SDC3: variants seen among roughly 807,000 people sequenced by gnomAD.
SDC3 encodes syndecan 3.
SDC3 carries 13 observed loss-of-function variants against 24.4 expected under a neutral mutation model. The ratio of observed to expected loss-of-function variants is 0.53; its 90% CI spans 0.35 to 0.85. The LOEUF is 0.85. Ranked by LOEUF, SDC3 falls within the 40% of genes least tolerant of loss-of-function variation. The pLI, the probability that SDC3 is intolerant of heterozygous loss-of-function variation, is 0.01. For synonymous variants in SDC3, 295 were observed against 260.9 expected (o/e 1.13, Z -1.26); for missense variants, 571 against 584.5 (o/e 0.98, Z 0.24).
At chr1:30,886,013 C>T (rs1346371132) in intron 1 of SDC3, among the ~76,000 whole-genome samples, 1 of 152,194 alleles carries the variant, frequency 6.6e-6, no homozygotes, top group East Asian at 1.9e-4. Context: ...ACTCACACTG[C>T]TCATTGATGC....
In SDC3 at chr1:30,869,609, G is replaced by A. The variant is rs551514878; in HGVS notation, c.*3602C>T. On this transcript the variant is annotated 3_prime_UTR_variant, in exon 5 of 5. Coordinates refer to ENST00000339394, the MANE Select transcript of SDC3 (RefSeq NM_014654.4). ...ACAAGGCTGGAACAGGAGAGTACCCGCAGTGGGGCAGGCGCCTTGGTCTCT... is the reference window on the plus strand; with the variant it reads ...ACAAGGCTGGAACAGGAGAGTACCCACAGTGGGGCAGGCGCCTTGGTCTCT... 2.4e-4 allele frequency: 94 copies of A among 395,170 alleles called. 1 individual carries two copies. Among genetic ancestry groups the A allele is most frequent in the African/African-American group, 1.0e-3 (49 of 47,964 alleles). 24.5% of individuals were successfully genotyped at this position (395,170 alleles called of 1,614,324 possible). A position where few individuals can be genotyped will look rare whatever the true frequency, so the allele number is the denominator to read the frequency against.
intron 1 of SDC3, among the ~76,000 whole-genome samples, chr1:30,899,177 C>T (rs1285086477): frequency 1.3e-5 from 2 of 152,206 alleles, no homozygotes; most frequent in African/African-American, 4.8e-5. Flanking sequence ...ACCTCCACCT[C>T]CCAGGATCAA....
chr1:30,890,391 A>G (rs139416811), intron 1 of SDC3, among the ~76,000 whole-genome samples: 172 of 152,378 alleles, frequency 1.1e-3, no homozygotes, highest in Admixed American at 2.9e-3. Context: ...AATTGGCCAC[A>G]AAAGACCACA....
At chr1:30,894,858 C>T (rs1639978152) in intron 1 of SDC3, among the ~76,000 whole-genome samples, 1 of 151,870 alleles carries the variant, frequency 6.6e-6, no homozygotes, top group African/African-American at 2.4e-5. Flanking sequence ...TCTCGAGTGG[C>T]TTAGATGCCT....
rs137959447 is a variant in SDC3, at chr1:30,878,866, T to A, written c.139-126A>T. ...ACGTGGGTGACAGAGATCTTGTGTG[T>A]ACCCTGAAGGAAAGTGCGTGTGTGA... is the stretch of plus-strand genomic sequence containing the variant. On this transcript the variant is annotated intron_variant, in intron 1 of 4. Coordinates refer to ENST00000339394, the MANE Select transcript of SDC3 (RefSeq NM_014654.4). 9 of 737,686 alleles carry A rather than the reference T, an allele frequency of 1.2e-5. No individual in the cohort carries two copies. The African/African-American group carries it at 1.6e-4, about 13-fold the overall frequency. 45.7% of individuals were successfully genotyped at this position (737,686 alleles called of 1,614,324 possible).
At chr1:30,895,083 G>A (rs1191305554) in intron 1 of SDC3, among the ~76,000 whole-genome samples, 1 of 152,056 alleles carries the variant, frequency 6.6e-6, no homozygotes, top group Admixed American at 6.5e-5. Flanking sequence ...ACAGTGTTGC[G>A]GGTAAGCCCC....
rs752845808 is a variant in SDC3, at chr1:30,876,620, G to C, written c.802C>G (p.Pro268Ala). ...ALPRPATTQEPDIPERSTLPL... is the reference protein window; with the variant it reads ...ALPRPATTQEADIPERSTLPL... ...AGGGTGCTCCTCTCAGGGATGTCAG[G>C]CTCCTGGGTGGTGGCCGGCCTGGGA... is the stretch of plus-strand genomic sequence containing the variant. Residue 268 changes from proline to alanine, a missense_variant, in exon 3 of 5, where the codon CCT (proline) becomes GCT (alanine). Physicochemically the swap from Pro to Ala is conservative, Grantham distance 27. Transcript: ENST00000339394. The C allele has an allele frequency of 6.4e-6, 10 of 1,566,760 alleles. No homozygotes were observed. The South Asian group carries it at 9.5e-5, about 15-fold the overall frequency.
chr1:30,878,906 A>T, intron 1 of SDC3, 166 bp from the exon 2 acceptor site: 1 of 595,954 alleles, frequency 1.7e-6, no homozygotes, highest in Non-Finnish European at 3.0e-6. Flanking sequence ...TTCACAGGGC[A>T]GGGGTGGGGT....
chr1:30,884,883 G>A (rs1639805904), intron 1 of SDC3, among the ~76,000 whole-genome samples: 1 of 152,164 alleles, frequency 6.6e-6, no homozygotes, highest in Admixed American at 6.5e-5. Context: ...AAATAAATGA[G>A]GGTACAACCA....
intron 1 of SDC3, among the ~76,000 whole-genome samples, chr1:30,897,615 A>G (rs1638299272): frequency 6.6e-6 from 1 of 152,172 alleles, no homozygotes; most frequent in Non-Finnish European, 1.5e-5. Flanking sequence ...TTGGCCCTAC[A>G]TTCATCCTGT....
chr1:30,882,672 G>A (rs898919103), intron 1 of SDC3, among the ~76,000 whole-genome samples: 5 of 152,130 alleles, frequency 3.3e-5, no homozygotes, highest in Non-Finnish European at 7.3e-5. Flanking sequence ...CACTCTGAGT[G>A]CAGGGGACAC....
rs982106493 is a variant in SDC3 at position 30,876,542 on chromosome 1, A to G, written c.870+10T>C. Reference sequence around the variant, plus strand: ...CCGCCCTCCTCCCTGTCCCTTCTCAACACCCTCACCTGAGCCACCTCTGTG... The same window carrying G: ...CCGCCCTCCTCCCTGTCCCTTCTCAGCACCCTCACCTGAGCCACCTCTGTG... On this transcript the variant is annotated intron_variant, in intron 3 of 4. Coordinates refer to ENST00000339394, the MANE Select transcript of SDC3 (RefSeq NM_014654.4). 2.0e-6 allele frequency: 3 copies of G among 1,506,580 alleles called. No homozygotes were observed. Among genetic ancestry groups the G allele is most frequent in the African/African-American group, 2.8e-5 (2 of 71,226 alleles). The allele number at this position is 1,506,580 out of a possible 1,614,324, so 93.3% of individuals were successfully genotyped here. A position where few individuals can be genotyped will look rare whatever the true frequency, so the allele number is the denominator to read the frequency against.
chr1:30,895,937 G>T (rs904832138), intron 1 of SDC3, among the ~76,000 whole-genome samples: 2 of 152,018 alleles, frequency 1.3e-5, no homozygotes, highest in Non-Finnish European at 2.9e-5. Context: ...AGAGGAGAAG[G>T]TCTCCTCAAA....
chr1:30,904,924 A>G (rs895856592), intron 1 of SDC3, among the ~76,000 whole-genome samples: 3 of 152,108 alleles, frequency 2.0e-5, no homozygotes, highest in Non-Finnish European at 4.4e-5. Context: ...GGCTGACACC[A>G]TTACTGTCCG....
chr1:30,892,419 G>GCCCCAGGC (rs758437228), intron 1 of SDC3, among the ~76,000 whole-genome samples: 134 of 151,814 alleles, frequency 8.8e-4, no homozygotes, highest in African/African-American at 3.0e-3. Flanking sequence ...ACCAGCCTTA[G>GCCCCAGGC]CCCCAGGCCC....
At chr1:30,893,240 C>T (rs1639932125) in intron 1 of SDC3, among the ~76,000 whole-genome samples, 2 of 147,352 alleles carry the variant, frequency 1.4e-5, no homozygotes, top group South Asian at 4.3e-4. Flanking sequence ...TCCTCCCTCC[C>T]ACAGCATGAC....
At chr1:30,893,694 G>A (rs1480658239) in intron 1 of SDC3, among the ~76,000 whole-genome samples, 1 of 151,866 alleles carries the variant, frequency 6.6e-6, no homozygotes, top group Non-Finnish European at 1.5e-5. Context: ...GAATCCCCAC[G>A]AGGCCCTAGT....
intron 1 of SDC3, among the ~76,000 whole-genome samples, chr1:30,892,088 TCTC>T (rs1279677370): frequency 6.6e-6 from 1 of 151,572 alleles, no homozygotes; most frequent in Admixed American, 6.6e-5. Flanking sequence ...GCCAGCCCCT[TCTC>T]CACACAGCTA....
At chr1:30,894,533 A>AGT (rs145479086) in intron 1 of SDC3, among the ~76,000 whole-genome samples, 12,808 of 77,976 alleles carry the variant, frequency 0.16, 745 homozygotes, top group South Asian at 0.2. Flanking sequence ...AGTGGGTGAG[A>AGT]GTGTGCGTGG....
Sources: gnomAD v4.1 joint callset for allele counts (sites outside exome capture counted in the v4.1 genomes callset) on GRCh38, gnomAD v4.1.1 for gene constraint, MANE v1.5 for transcripts, NCBI Gene and HGNC (gene_info 2026-07-23, HGNC 2026-07-21) for gene names.